The following IFT122 variants were observed in gnomAD, a reference collection of about 807,000 sequenced individuals.
IFT122 encodes intraflagellar transport 122.
IFT122 carries 118 observed loss-of-function variants against 161.6 expected under a neutral mutation model. That is an observed-to-expected ratio of 0.73 (90% confidence interval 0.63 to 0.85). The LOEUF (loss-of-function observed/expected upper bound fraction) is 0.85, where lower values mean the gene tolerates loss of function less well. Ranked by LOEUF, IFT122 falls within the 40% of genes least tolerant of loss-of-function variation. The pLI is 0.00. For synonymous variants in IFT122, 550 were observed against 602.4 expected (o/e 0.91, Z 1.27); for missense variants, 1,381 against 1,579.6 (o/e 0.87, Z 2.13).
Position 129,458,697 on chromosome 3 carries a change from A to G in IFT122, c.272+20A>G. On this transcript the variant is annotated intron_variant, in intron 4 of 29. Transcript: ENST00000348417. Reference sequence around the variant, plus strand: ...GTACACGTAAGTAACTTAGGTGTACAGTATTATGAGTTTGATGCTTATTGA... The same window carrying G: ...GTACACGTAAGTAACTTAGGTGTACGGTATTATGAGTTTGATGCTTATTGA... 1.3e-6 allele frequency: 2 copies of G among 1,540,540 alleles called. No individual in the cohort carries two copies. Among genetic ancestry groups the G allele is most frequent in the Non-Finnish European group, 1.8e-6 (2 of 1,112,888 alleles).
At position 129,519,922 on chromosome 3, in the gene IFT122, C is replaced by T. The variant is rs530589515; in HGVS notation, c.3636+190C>T. Among the ~76,000 whole-genome samples the T allele has an allele frequency of 8.0e-4, 122 of 152,282 alleles. 2 individuals carry two copies. The highest frequency in any genetic ancestry group is 2.4e-3 in the African/African-American group (100 of 41,556). On this transcript the variant is annotated intron_variant, in intron 29 of 29. Coordinates refer to ENST00000348417, the MANE Select transcript of IFT122 (RefSeq NM_052989.3). Reference sequence around the variant, plus strand: ...CTAAAGTGGACTTCACTGGCCCCTGCGCTGTCCACATCCTCCCCAAATCCT... The same window carrying T: ...CTAAAGTGGACTTCACTGGCCCCTGTGCTGTCCACATCCTCCCCAAATCCT...
At chr3:129,514,868 A>T (rs1313658263) in intron 25 of IFT122, 1 of 491,014 alleles carries the variant, frequency 2.0e-6, no homozygotes, top group Non-Finnish European at 3.7e-6. Flanking sequence ...CCTTTACCCC[A>T]GGCCTGGCCC....
intron 4 of IFT122, chr3:129,459,286 T>C (rs966357465): frequency 2.3e-6 from 1 of 426,044 alleles, no homozygotes; most frequent in Non-Finnish European, 4.4e-6. Flanking sequence ...CATCTATTTT[T>C]TGTTTTGTTT....
At chr3:129,489,099 T>A (rs1017576755) in intron 16 of IFT122, among the ~76,000 whole-genome samples, 2 of 152,092 alleles carry the variant, frequency 1.3e-5, no homozygotes, top group Admixed American at 1.3e-4. Flanking sequence ...CCCTACCCCT[T>A]CCCTCTTTAT....
intron 7 of IFT122, among the ~76,000 whole-genome samples, 164 bp downstream of exon 7, chr3:129,464,945 C>T (rs1377688975): frequency 6.6e-6 from 1 of 152,022 alleles, no homozygotes; most frequent in Non-Finnish European, 1.5e-5. Context: ...GTCCCGCTAC[C>T]TGAGAATGTA....
intron 1 of IFT122, among the ~76,000 whole-genome samples, chr3:129,443,497 T>C (rs987928502): frequency 6.6e-6 from 1 of 152,236 alleles, no homozygotes; most frequent in African/African-American, 2.4e-5. Flanking sequence ...TATAAGGAAT[T>C]CTTGCCCTGA....
chr3:129,493,999 C>T (rs892179889), intron 17 of IFT122, among the ~76,000 whole-genome samples: 1 of 152,168 alleles, frequency 6.6e-6, no homozygotes, highest in East Asian at 1.9e-4. Context: ...CATCTGGGTG[C>T]TCAGCATAAT....
chr3:129,478,028 G>A lies in IFT122; in HGVS notation c.1160G>A (p.Cys387Tyr), dbSNP rs565145381. The A allele has an allele frequency of 3.7e-6, 6 of 1,614,040 alleles. No individual in the cohort carries two copies. Among genetic ancestry groups the A allele is most frequent in the Admixed American group, 3.3e-5 (2 of 60,030 alleles). Reference sequence around the variant, plus strand: ...TTTTCTTTGACAGTTCGGATTAAATGCAAAGAGCTTGTCAAGAAGATTGCC... The same window carrying A: ...TTTTCTTTGACAGTTCGGATTAAATACAAAGAGCTTGTCAAGAAGATTGCC... ...LITEQKVRIK[C>Y]KELVKKIAIY... Residue 387 changes from cysteine to tyrosine, a missense_variant, in exon 12 of 30, where the codon TGC becomes TAC. By Grantham distance (194) the Cys-to-Tyr change is radical. Coordinates refer to ENST00000348417, the MANE Select transcript of IFT122 (RefSeq NM_052989.3).
chr3:129,478,516 A>G (rs928509814), intron 12 of IFT122, among the ~76,000 whole-genome samples: 8 of 152,328 alleles, frequency 5.3e-5, no homozygotes, highest in Admixed American at 5.2e-4. Context: ...ATGCAGTGGC[A>G]CAATTATGGC....
rs2075813663 is a variant in IFT122 at position 129,458,631 on chromosome 3, AG to A, written c.227del (p.Ser76ThrfsTer13). 3 of 1,614,038 alleles carry A rather than the reference AG, an allele frequency of 1.9e-6. No homozygotes were observed. The highest frequency in any genetic ancestry group is 8.5e-7 in the Non-Finnish European group (1 of 1,179,988). Reference protein sequence around the residue: ...KRFASGSADKSVIIWTSKLEG... With the variant: ...KRFASGSADKXVIIWTSKLEG... ...CTTTGCTTCTGGATCAGCTGACAAA[AG>A]CGTTATTATCTGGACATCAAAACTG... On this transcript the variant is annotated frameshift_variant, in exon 4 of 30. Transcript: ENST00000348417. LOFTEE classifies it high-confidence loss of function.
Position 129,479,836 on chromosome 3 carries a change from C to A in IFT122, c.1402C>A (p.Gln468Lys). ...CAGCGGAGTGAAGGAGCGGGAGTGGCAGATGGAGTCTCTCATTCGTTACAT... is the reference window on the plus strand; with the variant it reads ...CAGCGGAGTGAAGGAGCGGGAGTGGAAGATGGAGTCTCTCATTCGTTACAT... ...SFSGVKEREW[Q>K]MESLIRYIKV... Residue 468 changes from glutamine (Q) to lysine (K), a missense_variant, in exon 13 of 30, where the codon CAG becomes AAG. Coordinates refer to ENST00000348417, the MANE Select transcript of IFT122 (RefSeq NM_052989.3). 1.2e-6 allele frequency: 2 copies of A among 1,614,014 alleles called. No individual in the cohort carries two copies. Among genetic ancestry groups the A allele is most frequent in the South Asian group, 1.1e-5 (1 of 91,064 alleles).
At chr3:129,510,397 C>T (rs1329703039) in intron 23 of IFT122, among the ~76,000 whole-genome samples, 2 of 152,232 alleles carry the variant, frequency 1.3e-5, no homozygotes, top group African/African-American at 4.8e-5. Context: ...TCTCTTCCCA[C>T]AGCAGGGTCA....
In IFT122 at chr3:129,517,583, T is replaced by C; in HGVS notation, c.3380T>C (p.Ile1127Thr). The C allele has an allele frequency of 1.2e-6, 2 of 1,613,464 alleles. No homozygotes were observed. The highest frequency in any genetic ancestry group is 1.7e-6 in the Non-Finnish European group (2 of 1,179,602). The change falls in exon 27 of 30, where the codon ATT becomes ACT. Residue 1127 changes from isoleucine (I) to threonine (T), a missense_variant. Ile to Thr is a moderately conservative substitution (Grantham distance 89, BLOSUM62 -1). This residue lies in a region of IFT122 where 177 missense variants were observed against 199.2 expected (regional missense o/e 0.89). Transcript: ENST00000348417. ...RPKRDDRQLE[I>T]ANNSSQILRL... ...AAGCGGGATGACAGACAGCTAGAGA[T>C]TGCAAACAACAGTATCCATGCCCTT...
At chr3:129,501,728 A>G (rs753594527) in intron 19 of IFT122, among the ~76,000 whole-genome samples, 1 of 152,208 alleles carries the variant, frequency 6.6e-6, no homozygotes, top group Non-Finnish European at 1.5e-5. Context: ...TCTTTCCTCC[A>G]GGGACGTTGG....
chr3:129,440,669 A>T lies in IFT122; in HGVS notation c.41+298A>T, dbSNP rs36222376. On this transcript the variant is annotated intron_variant, in intron 1 of 29. Transcript: ENST00000348417. ...ATTCATCTCACACCCACGAGACAGC[A>T]CGAAGCTGCTCAAGCTTCACAGTTC... Among the ~76,000 whole-genome samples, 57 of 152,350 alleles carry T rather than the reference A, an allele frequency of 3.7e-4. No individual in the cohort carries two copies. In the Middle Eastern group the frequency reaches 0.034, roughly 91 times the overall value.
chr3:129,503,566 T>TC (rs1214502346), intron 20 of IFT122, among the ~76,000 whole-genome samples: 1 of 151,730 alleles, frequency 6.6e-6, no homozygotes, highest in Non-Finnish European at 1.5e-5. Context: ...GCCAAGATCC[T>TC]CCCCCGACTC....
At chr3:129,493,643 G>A (rs2080430353) in intron 17 of IFT122, among the ~76,000 whole-genome samples, 1 of 152,220 alleles carries the variant, frequency 6.6e-6, no homozygotes, top group Non-Finnish European at 1.5e-5. Flanking sequence ...CGTGTTGTAA[G>A]GGGCATCTGT....
chr3:129,492,040 G>A (rs2080178613), intron 16 of IFT122, 101 bp from the exon 17 acceptor site: 4 of 863,768 alleles, frequency 4.6e-6, no homozygotes, highest in Non-Finnish European at 8.0e-6. Flanking sequence ...TCTCCTCTGT[G>A]GCTCACTGTC....
At chr3:129,508,505 T>A (rs951015984) in intron 23 of IFT122, among the ~76,000 whole-genome samples, 1 of 152,088 alleles carries the variant, frequency 6.6e-6, no homozygotes, top group African/African-American at 2.4e-5. Context: ...GACAGAGAGG[T>A]CTCAGAGGTT....
Sources: allele counts gnomAD v4.1 joint callset (sites outside exome capture counted in the v4.1 genomes callset), GRCh38; gene constraint gnomAD v4.1.1; regional missense constraint gnomAD v4.1.1; transcripts MANE v1.5; gene names NCBI Gene and HGNC (gene_info 2026-07-23, HGNC 2026-07-21).